Variants in ARHGAP10 observed in about 807,000 individuals in gnomAD.
The protein encoded by ARHGAP10 is Rho GTPase activating protein 10.
In ARHGAP10, 87 loss-of-function variants were observed where a neutral mutation model predicts 108.6. The observed-to-expected ratio is 0.80, with a 90% CI of 0.67 to 0.96. ARHGAP10 has a LOEUF of 0.96. Among genes scored for constraint, ARHGAP10 ranks in the 40% least tolerant of loss-of-function variants. The pLI, the probability that ARHGAP10 is intolerant of heterozygous loss-of-function variation, is 0.00. For synonymous variants in ARHGAP10, 347 were observed against 341.1 expected, an observed-to-expected ratio of 1.02 and a Z score of -0.19; for missense variants, 939 against 954.5, an observed-to-expected ratio of 0.98 and a Z score of 0.21.
chr4:147,846,912 G>T (rs1003412521), intron 3 of ARHGAP10, among the ~76,000 whole-genome samples: 14 of 152,150 alleles, frequency 9.2e-5, no homozygotes, highest in African/African-American at 3.1e-4. Flanking sequence ...GAGAGTTGGG[G>T]CTGTGTTGTA....
intron 13 of ARHGAP10, among the ~76,000 whole-genome samples, chr4:147,929,101 A>T (rs1737572728): frequency 6.6e-6 from 1 of 152,140 alleles, no homozygotes; most frequent in Admixed American, 6.5e-5. Context: ...TTTGTTTTTT[A>T]TTTAAATGGA....
chr4:147,891,991 G>A (rs566429986), intron 10 of ARHGAP10, among the ~76,000 whole-genome samples: 4 of 152,154 alleles, frequency 2.6e-5, no homozygotes, highest in Non-Finnish European at 5.9e-5. Flanking sequence ...ATAATTACCC[G>A]TTCTGTGAAA....
chr4:148,057,083 A>G (rs746655082), intron 20 of ARHGAP10, among the ~76,000 whole-genome samples: 6 of 152,110 alleles, frequency 3.9e-5, no homozygotes, highest in African/African-American at 1.2e-4. Context: ...CTGTGGGCCA[A>G]CCTCTGGGGG....
At chr4:148,062,957 G>A (rs532525780) in intron 20 of ARHGAP10, among the ~76,000 whole-genome samples, 191 bp from the exon 21 acceptor site, 2 of 152,300 alleles carry the variant, frequency 1.3e-5, no homozygotes, top group Non-Finnish European at 2.9e-5. Context: ...TTGGGGCTGT[G>A]GCTGGTTTCT....
chr4:147,889,460 C>T (rs74628945), intron 10 of ARHGAP10, among the ~76,000 whole-genome samples: 16 of 152,014 alleles, frequency 1.1e-4, no homozygotes, highest in Non-Finnish European at 2.1e-4. Flanking sequence ...CCGCCACGCC[C>T]GGCTAATTTT....
At chr4:147,757,662 G>A (rs1037243012) in intron 1 of ARHGAP10, among the ~76,000 whole-genome samples, 3 of 152,262 alleles carry the variant, frequency 2.0e-5, no homozygotes, top group African/African-American at 4.8e-5. Context: ...GCTTACTCAC[G>A]GGCCTCTACG....
chr4:147,878,162 C>G (rs1735153739), intron 8 of ARHGAP10, among the ~76,000 whole-genome samples: 1 of 151,868 alleles, frequency 6.6e-6, no homozygotes, highest in South Asian at 2.1e-4. Context: ...GTGGCGCGAT[C>G]TCAGCTCACT....
intron 3 of ARHGAP10, among the ~76,000 whole-genome samples, chr4:147,825,378 C>T (rs574970599): frequency 2.8e-4 from 43 of 151,628 alleles, no homozygotes; most frequent in East Asian, 5.8e-4. Flanking sequence ...GCCCGGGAGG[C>T]GGAGGTTGCA....
chr4:147,762,375 T>C (rs996289765), intron 1 of ARHGAP10, among the ~76,000 whole-genome samples: 4 of 152,156 alleles, frequency 2.6e-5, no homozygotes, highest in South Asian at 4.1e-4. Flanking sequence ...GGTTATACTC[T>C]TTAGCATTGG....
At chr4:147,945,437 T>A (rs187006) in intron 14 of ARHGAP10, among the ~76,000 whole-genome samples, 114,345 of 152,110 alleles carry the variant, frequency 0.75, 47,022 homozygotes, top group Non-Finnish European at 0.93. Context: ...TACACGCTAT[T>A]TGGATAAAGA....
chr4:147,893,063 ATT>A (rs57114670), intron 10 of ARHGAP10, among the ~76,000 whole-genome samples: 1 of 147,172 alleles, frequency 6.8e-6, no homozygotes, highest in Non-Finnish European at 1.5e-5. Context: ...ATGGAAGTAA[ATT>A]TTTTTTTTTT....
chr4:147,842,293 A>G (rs1405729876), intron 3 of ARHGAP10, among the ~76,000 whole-genome samples: 2 of 152,140 alleles, frequency 1.3e-5, no homozygotes, highest in Non-Finnish European at 2.9e-5. Context: ...TCAGACGGAT[A>G]TTGCATTGAA....
At chr4:147,885,435 GA>G (rs1284465471) in intron 10 of ARHGAP10, among the ~76,000 whole-genome samples, 1 of 152,122 alleles carries the variant, frequency 6.6e-6, no homozygotes, top group Non-Finnish European at 1.5e-5. Context: ...AATAGCATGG[GA>G]AAAACCCATT....
At chr4:147,930,780 C>T (rs986259171) in intron 13 of ARHGAP10, among the ~76,000 whole-genome samples, 2 of 152,124 alleles carry the variant, frequency 1.3e-5, no homozygotes, top group African/African-American at 4.8e-5. Context: ...TTTTCAAATT[C>T]ATCACATTTA....
At chr4:147,791,022 A>G (rs1731095256) in intron 1 of ARHGAP10, among the ~76,000 whole-genome samples, 1 of 151,968 alleles carries the variant, frequency 6.6e-6, no homozygotes, top group South Asian at 2.1e-4. Flanking sequence ...TACATATTAT[A>G]CATATTATAT....
intron 18 of ARHGAP10, among the ~76,000 whole-genome samples, chr4:148,018,574 A>C (rs1278872691): frequency 2.0e-5 from 3 of 146,534 alleles, no homozygotes; most frequent in South Asian, 2.1e-4. Context: ...TGTATCCACA[A>C]AAAAAAAAAA....
rs578138507 is a variant in ARHGAP10, at chr4:147,937,844, T to C, written c.1229-1981T>C. 3.9e-4 allele frequency among the ~76,000 whole-genome samples: 60 copies of C among 152,202 alleles called. 1 individual carries two copies. The highest frequency in any genetic ancestry group is 2.5e-4 in the Non-Finnish European group (17 of 68,044). ...AAAATACAAAATTAGCTGGGTGTGG[T>C]GGCATATGCCTGTAATCCCAGCTAC... On this transcript the variant is annotated intron_variant, in intron 13 of 22. Coordinates refer to ENST00000336498, the MANE Select transcript of ARHGAP10 (RefSeq NM_024605.4).
chr4:148,040,148 A>C (rs765811507), intron 19 of ARHGAP10, among the ~76,000 whole-genome samples: 1 of 152,154 alleles, frequency 6.6e-6, no homozygotes, highest in Non-Finnish European at 1.5e-5. Context: ...TATTGCCAGC[A>C]CAATGTTCTT....
At chr4:147,770,866 T>C (rs1267600264) in intron 1 of ARHGAP10, among the ~76,000 whole-genome samples, 1 of 152,208 alleles carries the variant, frequency 6.6e-6, no homozygotes, top group Non-Finnish European at 1.5e-5. Flanking sequence ...CTAGTAATTC[T>C]GGAGGCTAGA....
Sources: gnomAD v4.1 joint callset for allele counts (sites outside exome capture counted in the v4.1 genomes callset) on GRCh38, gnomAD v4.1.1 for gene constraint, MANE v1.5 for transcripts, NCBI Gene and HGNC (gene_info 2026-07-23, HGNC 2026-07-21) for gene names.